DDX10: variants seen among roughly 807,000 people sequenced by gnomAD.
The protein encoded by DDX10 is probable ATP-dependent RNA helicase DDX10.
Under a neutral mutation model 104.3 loss-of-function variants are expected in DDX10, and 74 were observed. The observed-to-expected ratio is 0.71, with a 90% CI of 0.59 to 0.86. The LOEUF (loss-of-function observed/expected upper bound fraction) is 0.86. DDX10 is among the 40% of genes least tolerant of loss of function. DDX10 has a pLI of 0.00. For synonymous variants in DDX10, 351 were observed against 353.4 expected (o/e 0.99, Z 0.08); for missense variants, 952 against 1,040.0 (o/e 0.92, Z 1.16).
chr11:108,885,466 T>A lies in DDX10; in HGVS notation c.2305-32407T>A, dbSNP rs1411505243. Among the ~76,000 whole-genome samples, 4 of 151,316 alleles carry A rather than the reference T, an allele frequency of 2.6e-5. No homozygotes were observed. The East Asian group carries it at 7.8e-4, about 30-fold the overall frequency. ...TCTGCCTCCTGGGTTCAAGCAATTC[T>A]CCTGCCTCAGACTCTCGAGTAGCTG... On this transcript the variant is annotated intron_variant, in intron 16 of 17. Transcript: ENST00000322536.
chr11:108,852,287 A>T, intron 16 of DDX10, 78 bp downstream of exon 16: 1 of 1,043,308 alleles, frequency 9.6e-7, no homozygotes, highest in Non-Finnish European at 1.4e-6. Flanking sequence ...TTTGGCAAGA[A>T]CAATGCTTAT....
At chr11:108,777,607 G>A (rs1268888506) in intron 13 of DDX10, among the ~76,000 whole-genome samples, 1 of 152,184 alleles carries the variant, frequency 6.6e-6, no homozygotes, top group Non-Finnish European at 1.5e-5. Flanking sequence ...ACAGGTGTGA[G>A]CCACCATGTC....
At chr11:108,895,424 G>C (rs1484360142) in intron 16 of DDX10, among the ~76,000 whole-genome samples, 2 of 151,732 alleles carry the variant, frequency 1.3e-5, no homozygotes, top group Non-Finnish European at 2.9e-5. Context: ...TTTCCTAGCA[G>C]GTATTAAGGA....
At chr11:108,827,086 C>T (rs2134583164) in intron 13 of DDX10, among the ~76,000 whole-genome samples, 2 of 152,270 alleles carry the variant, frequency 1.3e-5, no homozygotes, top group Middle Eastern at 6.8e-3. Flanking sequence ...TTAATCTAAG[C>T]TTTAGTTTTC....
chr11:108,877,300 T>C (rs1863166296), intron 16 of DDX10, among the ~76,000 whole-genome samples: 1 of 152,248 alleles, frequency 6.6e-6, no homozygotes, highest in Non-Finnish European at 1.5e-5. Flanking sequence ...ATTTGTCTTT[T>C]ATTTTCCATG....
intron 13 of DDX10, among the ~76,000 whole-genome samples, chr11:108,797,329 GC>G (rs1861957817): frequency 6.6e-6 from 1 of 152,142 alleles, no homozygotes; most frequent in African/African-American, 2.4e-5. Flanking sequence ...ACCGCGCCCA[GC>G]CTAAACTTTT....
intron 13 of DDX10, among the ~76,000 whole-genome samples, chr11:108,781,348 G>A (rs2134539518): frequency 6.6e-6 from 1 of 152,232 alleles, no homozygotes; most frequent in Non-Finnish European, 1.5e-5. Flanking sequence ...TTGCTTTCAT[G>A]AATAGCATGG....
In DDX10 at chr11:108,710,141, C is replaced by T. The variant is rs903948210; in HGVS notation, c.1322+3304C>T. 2.0e-5 allele frequency among the ~76,000 whole-genome samples: 3 copies of T among 152,186 alleles called. No homozygotes were observed. The South Asian group carries it at 6.2e-4, about 32-fold the overall frequency. On this transcript the variant is annotated intron_variant, in intron 10 of 17. Coordinates refer to ENST00000322536, the MANE Select transcript of DDX10 (RefSeq NM_004398.4). ...AAAGCATACCTGCATAGGGCACTTA[C>T]CACAGTGCTTGCAGGACTGGAAGTT...
At chr11:108,834,859 T>C (rs1591830779) in intron 13 of DDX10, among the ~76,000 whole-genome samples, 1 of 125,860 alleles carries the variant, frequency 7.9e-6, no homozygotes, top group Non-Finnish European at 1.5e-5. Flanking sequence ...ACCCGGGAGG[T>C]GGAGCTTGCA....
intron 13 of DDX10, among the ~76,000 whole-genome samples, chr11:108,762,548 A>G (rs943565688): frequency 1.1e-4 from 17 of 152,204 alleles, no homozygotes; most frequent in Non-Finnish European, 1.2e-4. Context: ...AACATAAGTT[A>G]CTAGTCAACT....
At chr11:108,751,064 A>G (rs559055347) in intron 13 of DDX10, among the ~76,000 whole-genome samples, 1 of 149,332 alleles carries the variant, frequency 6.7e-6, no homozygotes, top group Admixed American at 6.8e-5. Flanking sequence ...TTAGAGCATA[A>G]GCCTCAACTC....
At chr11:108,905,224 C>T (rs2134652045) in intron 16 of DDX10, among the ~76,000 whole-genome samples, 2 of 149,122 alleles carry the variant, frequency 1.3e-5, no homozygotes, top group East Asian at 4.0e-4. Context: ...TAATAGATTC[C>T]ATACAAAGAT....
At chr11:108,885,905 ATCT>A (rs1205217873) in intron 16 of DDX10, among the ~76,000 whole-genome samples, 1 of 152,170 alleles carries the variant, frequency 6.6e-6, no homozygotes, top group African/African-American at 2.4e-5. Context: ...GAGGTAGAAA[ATCT>A]TCTATTTATT....
intron 6 of DDX10, among the ~76,000 whole-genome samples, chr11:108,686,975 T>TG (rs537228685): frequency 2.3e-4 from 35 of 151,942 alleles, no homozygotes; most frequent in Non-Finnish European, 4.6e-4. Context: ...TTAGTAGAGA[T>TG]GGGGTCTCAC....
At chr11:108,737,147 G>A (rs1014769191) in intron 13 of DDX10, among the ~76,000 whole-genome samples, 3 of 152,080 alleles carry the variant, frequency 2.0e-5, no homozygotes, top group African/African-American at 7.2e-5. Context: ...TTCATCCCTA[G>A]TATCAAAATA....
At chr11:108,665,374 C>T (rs754579083) in intron 1 of DDX10, 35 bp downstream of exon 1, 2 of 1,523,136 alleles carry the variant, frequency 1.3e-6, no homozygotes, top group Admixed American at 4.4e-5. Flanking sequence ...CTCGGGCCGG[C>T]CAGCAGCGGG....
intron 16 of DDX10, among the ~76,000 whole-genome samples, chr11:108,885,983 C>T (rs1449601960): frequency 6.6e-6 from 1 of 152,050 alleles, no homozygotes; most frequent in African/African-American, 2.4e-5. Context: ...TGAGCTGATC[C>T]ATAAAGGAAT....
intron 16 of DDX10, among the ~76,000 whole-genome samples, chr11:108,888,234 G>A (rs1272807708): frequency 6.6e-6 from 1 of 152,146 alleles, no homozygotes; most frequent in African/African-American, 2.4e-5. Flanking sequence ...TGTATTGAAT[G>A]TCAAATTAAA....
At chr11:108,869,609 G>A (rs1217435144) in intron 16 of DDX10, among the ~76,000 whole-genome samples, 1 of 152,078 alleles carries the variant, frequency 6.6e-6, no homozygotes, top group Non-Finnish European at 1.5e-5. Context: ...AGTCTGAGCA[G>A]ACTGTGGATT....
Sources: gnomAD v4.1 joint callset for allele counts (sites outside exome capture counted in the v4.1 genomes callset) on GRCh38, gnomAD v4.1.1 for gene constraint, MANE v1.5 for transcripts, NCBI Gene and HGNC (gene_info 2026-07-23, HGNC 2026-07-21) for gene names.